The following ASAP1 variants were observed in gnomAD, a reference collection of about 807,000 sequenced individuals.
The protein encoded by ASAP1 is arf-GAP with SH3 domain, ANK repeat and PH domain-containing protein 1.
ASAP1 carries 43 observed loss-of-function variants against 145.2 expected under a neutral mutation model. The observed-to-expected ratio is 0.30, with a 90% CI of 0.23 to 0.38. The LOEUF is 0.38. Among genes scored for constraint, ASAP1 ranks in the 10% least tolerant of loss-of-function variants. The pLI is 1.00. For missense variants in ASAP1, 1,018 were observed against 1,355.3 expected (o/e 0.75, Z 3.91); for synonymous variants, 546 against 515.5 (o/e 1.06, Z -0.80).
intron 5 of ASAP1, among the ~76,000 whole-genome samples, chr8:130,205,396 A>C (rs533678349): frequency 1.5e-4 from 23 of 151,744 alleles, no homozygotes; most frequent in South Asian, 6.2e-4. Context: ...AAAAAAAAAA[A>C]AAAACAAAAA....
rs548512902 is a variant in ASAP1, at chr8:130,276,728, A to ACACACACACACTCTCT, written c.187-39735_187-39734insAGAGAGTGTGTGTGTG. Among the ~76,000 whole-genome samples, 125 of 87,302 alleles carry ACACACACACACTCTCT rather than the reference A, an allele frequency of 1.4e-3. 1 individual carries two copies. The highest frequency in any genetic ancestry group is 8.6e-3 in the Middle Eastern group (1 of 116). The allele number at this position is 87,302 out of a possible 152,430, so 57.3% of individuals were successfully genotyped here. A position where few individuals can be genotyped will look rare whatever the true frequency, so the allele number is the denominator to read the frequency against. On this transcript the variant is annotated intron_variant, in intron 3 of 29. Coordinates refer to ENST00000518721, the MANE Select transcript of ASAP1 (RefSeq NM_018482.4). ...CACACACACACACACACACACACAC[A>ACACACACACACTCTCT]CTCTCTCTCTCTCTCTCTCTCTCTC... is the stretch of plus-strand genomic sequence containing the variant.
intron 3 of ASAP1, among the ~76,000 whole-genome samples, chr8:130,328,225 T>C (rs1824459622): frequency 6.6e-6 from 1 of 151,504 alleles, no homozygotes; most frequent in South Asian, 2.1e-4. Flanking sequence ...AAAAAAGGCT[T>C]GAGCAAGTTC....
At chr8:130,160,894 A>G (rs1447970450) in intron 11 of ASAP1, 3 of 862,006 alleles carry the variant, frequency 3.5e-6, no homozygotes, top group African/African-American at 1.8e-5. Flanking sequence ...AGCATTTTAT[A>G]TAATGTACAC....
At chr8:130,116,842 G>T in intron 21 of ASAP1, 38 bp downstream of exon 21, 1 of 1,578,106 alleles carries the variant, frequency 6.3e-7, no homozygotes, top group Non-Finnish European at 8.7e-7. Context: ...TGCAACACAC[G>T]CTTACTACAG....
In ASAP1 at chr8:130,180,949, C is replaced by T. The variant is rs527556545; in HGVS notation, c.531-69G>A. On this transcript the variant is annotated intron_variant, in intron 7 of 29. Coordinates refer to ENST00000518721, the MANE Select transcript of ASAP1 (RefSeq NM_018482.4). ...CTCATGTACAATACCAACAGCAGAT[C>T]CTAATACAAACTATGGATTTGGGGT... 7.5e-4 allele frequency: 1,070 copies of T among 1,417,776 alleles called. 1 individual carries two copies. Among genetic ancestry groups the T allele is most frequent in the Non-Finnish European group, 9.5e-4 (989 of 1,037,434 alleles). 87.8% of individuals were successfully genotyped at this position (1,417,776 alleles called of 1,614,324 possible). A position where few individuals can be genotyped will look rare whatever the true frequency, so the allele number is the denominator to read the frequency against.
At chr8:130,154,458 G>C (rs565574590) in intron 12 of ASAP1, among the ~76,000 whole-genome samples, 1 of 152,304 alleles carries the variant, frequency 6.6e-6, no homozygotes, top group Admixed American at 6.5e-5. Context: ...CACTAGTTGA[G>C]ACTAACTACT....
chr8:130,403,615 C>T (rs894748124), intron 1 of ASAP1, among the ~76,000 whole-genome samples: 5 of 148,020 alleles, frequency 3.4e-5, no homozygotes, highest in African/African-American at 1.0e-4. Context: ...TGCAGTGGCG[C>T]GATCTTGGCT....
At chr8:130,137,123 G>T in intron 13 of ASAP1, 85 bp from the exon 14 acceptor site, 1 of 1,083,700 alleles carries the variant, frequency 9.2e-7, no homozygotes, top group Non-Finnish European at 1.4e-6. Context: ...CAGGTATGCT[G>T]TTCATAAGGC....
intron 24 of ASAP1, among the ~76,000 whole-genome samples, chr8:130,098,961 C>T (rs934344794): frequency 2.0e-4 from 30 of 150,712 alleles, no homozygotes; most frequent in African/African-American, 7.3e-4. Flanking sequence ...CTCTAATAAC[C>T]TCTCTTATAC....
Position 130,112,136 on chromosome 8 carries a change from T to A in ASAP1, c.2359A>T (p.Thr787Ser). 1 of 1,614,046 alleles carries A rather than the reference T, an allele frequency of 6.2e-7. No individual in the cohort carries two copies. Among genetic ancestry groups the A allele is most frequent in the Non-Finnish European group, 8.5e-7 (1 of 1,179,998 alleles). The change falls in exon 24 of 30, where the codon ACC becomes TCC. Residue 787 changes from threonine (T) to serine (S), a missense_variant. By Grantham distance (58) the Thr-to-Ser change is moderately conservative (BLOSUM62 1). Coordinates refer to ENST00000518721, the MANE Select transcript of ASAP1 (RefSeq NM_018482.4). ...STSTDSPTSP[T>S]TEAPPLPPRN... is the part of the protein sequence containing the mutation. Reference sequence around the variant, plus strand: ...GGAGGCAGAGGGGGAGCCTCCGTGGTTGGTGATGTGGGCGAGTCTGTGCTT... The same window carrying A: ...GGAGGCAGAGGGGGAGCCTCCGTGGATGGTGATGTGGGCGAGTCTGTGCTT...
chr8:130,379,402 T>C (rs1338746115), intron 2 of ASAP1, among the ~76,000 whole-genome samples: 1 of 152,132 alleles, frequency 6.6e-6, no homozygotes, highest in African/African-American at 2.4e-5. Context: ...GTTCTGTGAG[T>C]TCTAGCCAAT....
Position 130,403,554 on chromosome 8 carries a change from C to CTTT in ASAP1, c.-27-1587_-27-1585dup, listed in dbSNP as rs372481861. On this transcript the variant is annotated intron_variant, in intron 1 of 29. Coordinates refer to ENST00000518721, the MANE Select transcript of ASAP1 (RefSeq NM_018482.4). ...CATAAGACATTTTCTTTTTCTTTTT[C>CTTT]TTTTTTTTTTTTTTTTTGTGAGACA... is the stretch of plus-strand genomic sequence containing the variant. Among the ~76,000 whole-genome samples the CTTT allele has an allele frequency of 7.2e-3, 903 of 125,370 alleles. 30 individuals are homozygous for CTTT. The highest frequency in any genetic ancestry group is 0.023 in the African/African-American group (739 of 32,282). The allele number at this position is 125,370 out of a possible 152,430, so 82.2% of individuals were successfully genotyped here.
chr8:130,398,980 A>C (rs1170314347), intron 2 of ASAP1, among the ~76,000 whole-genome samples: 1 of 152,252 alleles, frequency 6.6e-6, no homozygotes, highest in Non-Finnish European at 1.5e-5. Flanking sequence ...TTGCAGAATA[A>C]AGATTACACT....
chr8:130,418,045 G>C (rs1427866559), intron 1 of ASAP1, among the ~76,000 whole-genome samples: 2 of 152,214 alleles, frequency 1.3e-5, no homozygotes, highest in East Asian at 1.9e-4. Context: ...GACCAAGGGA[G>C]GGGAGGAGAA....
chr8:130,059,087 C>T (rs1322028098), intron 28 of ASAP1, among the ~76,000 whole-genome samples: 1 of 152,152 alleles, frequency 6.6e-6, no homozygotes, highest in Admixed American at 6.5e-5. Context: ...TCAGACACGG[C>T]AGCCTCCAAC....
intron 24 of ASAP1, among the ~76,000 whole-genome samples, chr8:130,101,178 T>C (rs908184704): frequency 1.3e-5 from 2 of 152,262 alleles, no homozygotes; most frequent in African/African-American, 4.8e-5. Flanking sequence ...TTCTGGTTAC[T>C]ATAGCTTTGT....
At chr8:130,439,673 T>TA (rs1391412640) in intron 1 of ASAP1, among the ~76,000 whole-genome samples, 6 of 152,166 alleles carry the variant, frequency 3.9e-5, no homozygotes, top group Non-Finnish European at 8.8e-5. Flanking sequence ...TTCGAGGAGA[T>TA]AAAGACACAG....
At chr8:130,281,302 T>C (rs944921202) in intron 3 of ASAP1, among the ~76,000 whole-genome samples, 1 of 152,246 alleles carries the variant, frequency 6.6e-6, no homozygotes, top group Non-Finnish European at 1.5e-5. Context: ...CTATCACTTA[T>C]AGCTTTCTCC....
intron 18 of ASAP1, among the ~76,000 whole-genome samples, chr8:130,119,136 G>C (rs1320431440): frequency 6.6e-6 from 1 of 152,164 alleles, no homozygotes; most frequent in East Asian, 1.9e-4. Context: ...AAAGGATCGG[G>C]TCTCGCTATG....
Sources: gnomAD v4.1 joint callset for allele counts (sites outside exome capture counted in the v4.1 genomes callset) on GRCh38, gnomAD v4.1.1 for gene constraint, MANE v1.5 for transcripts, NCBI Gene and HGNC (gene_info 2026-07-23, HGNC 2026-07-21) for gene names.